The following CHMP2B variants were observed in gnomAD, a reference collection of about 807,000 sequenced individuals.
CHMP2B encodes charged multivesicular body protein 2B, also known as VPS2 homolog B.
In CHMP2B, 22 loss-of-function variants were observed where a neutral mutation model predicts 29.8. That is an observed-to-expected ratio of 0.74 (90% CI 0.53 to 1.05). CHMP2B has a LOEUF of 1.05. Ranked by LOEUF, CHMP2B falls within the 50% of genes least tolerant of loss-of-function variation. The pLI, the probability that CHMP2B is intolerant of heterozygous loss-of-function variation, is 0.00. For missense variants in CHMP2B, 261 were observed against 252.2 expected (o/e 1.03, Z -0.24); for synonymous variants, 78 against 75.8 (o/e 1.03, Z -0.15).
At chr3:87,230,222 T>A (rs765665681) in intron 1 of CHMP2B, among the ~76,000 whole-genome samples, 1 of 152,192 alleles carries the variant, frequency 6.6e-6, no homozygotes, top group Non-Finnish European at 1.5e-5. Context: ...TGAAGTTCTT[T>A]AAACACTATA....
intron 2 of CHMP2B, among the ~76,000 whole-genome samples, chr3:87,244,212 A>G (rs1706172584): frequency 6.6e-6 from 1 of 151,434 alleles, no homozygotes; most frequent in Non-Finnish European, 1.5e-5. Flanking sequence ...ACGCCCAGCT[A>G]ATTTTTGTAT....
At chr3:87,227,690 G>A in intron 1 of CHMP2B, 134 bp downstream of exon 1, 3 of 1,120,792 alleles carry the variant, frequency 2.7e-6, no homozygotes, top group Non-Finnish European at 4.1e-6. Context: ...GACCGCCCTC[G>A]CGGCACCACT....
chr3:87,247,566 A>T (rs1045008520), intron 3 of CHMP2B, among the ~76,000 whole-genome samples: 3 of 152,216 alleles, frequency 2.0e-5, no homozygotes, highest in Non-Finnish European at 4.4e-5. Context: ...GGAAATGTGC[A>T]TGTTGGGTGA....
Position 87,227,439 on chromosome 3 carries a change from A to G in CHMP2B, c.-84A>G. On this transcript the variant is annotated 5_prime_UTR_variant, in exon 1 of 6. Transcript: ENST00000263780. The stretch of plus-strand genomic sequence containing the variant: ...TCCGCTCCGCCACCCCGAACCCGCC[A>G]AGGTCCTGTCCTTTTCCTCCTGTCC... The G allele has an allele frequency of 4.5e-6, 7 of 1,550,796 alleles. No homozygotes were observed. Among genetic ancestry groups the G allele is most frequent in the Non-Finnish European group, 6.2e-6 (7 of 1,122,736 alleles).
At position 87,245,017 on chromosome 3, in the gene CHMP2B, C is replaced by T. The variant is rs145463987; in HGVS notation, c.127-697C>T. 3.3e-3 allele frequency among the ~76,000 whole-genome samples: 507 copies of T among 152,270 alleles called. 3 individuals carry two copies. Among genetic ancestry groups the T allele is most frequent in the African/African-American group, 0.011 (475 of 41,560 alleles). On this transcript the variant is annotated intron_variant, in intron 2 of 5. Transcript: ENST00000263780. Reference sequence around the variant, plus strand: ...GAAGCACTTTTATTAGGTACATACACATTGAAGATTGTCCTGGTATCTTTA... The same window carrying T: ...GAAGCACTTTTATTAGGTACATACATATTGAAGATTGTCCTGGTATCTTTA...
chr3:87,235,523 TGTGGAATATGCA>T (rs1285466189), intron 1 of CHMP2B, among the ~76,000 whole-genome samples: 1 of 152,208 alleles, frequency 6.6e-6, no homozygotes, highest in Non-Finnish European at 1.5e-5. Flanking sequence ...ACTATGAGGC[TGTGGAATATGCA>T]GTAGTTAATT....
chr3:87,248,184 G>T (rs1706250849), intron 3 of CHMP2B, among the ~76,000 whole-genome samples: 1 of 151,778 alleles, frequency 6.6e-6, no homozygotes, highest in African/African-American at 2.4e-5. Context: ...TGTAATCCCA[G>T]CTACTTGGGA....
chr3:87,241,937 A>G (rs1311613218), intron 2 of CHMP2B, among the ~76,000 whole-genome samples: 1 of 152,182 alleles, frequency 6.6e-6, no homozygotes, highest in Non-Finnish European at 1.5e-5. Flanking sequence ...TTAGCAATGT[A>G]TGAAAGTTAC....
chr3:87,240,801 C>A lies in CHMP2B; in HGVS notation c.126+11C>A, dbSNP rs372974735. The A allele has an allele frequency of 6.3e-7, 1 of 1,598,214 alleles. No homozygotes were observed. Among genetic ancestry groups the A allele is most frequent in the Non-Finnish European group, 8.6e-7 (1 of 1,165,842 alleles). On this transcript the variant is annotated intron_variant, in intron 2 of 5. Transcript: ENST00000263780. ...CAAGAAAAACAGCTGGTAAGTAGAA[C>A]GTTAAATTTCAGTTTAACTTTTCAA... is the stretch of plus-strand genomic sequence containing the variant.
At position 87,255,244 on chromosome 3, in the gene CHMP2B, G is replaced by A. The variant is rs572323799; in HGVS notation, c.*1422G>A. ...AACTAAACTGTATAGTTTATATTCC[G>A]TAAACCATTTTATAATGTTCAAAGA... On this transcript the variant is annotated 3_prime_UTR_variant, in exon 6 of 6. Coordinates refer to ENST00000263780, the MANE Select transcript of CHMP2B (RefSeq NM_014043.4). The A allele has an allele frequency of 6.6e-5, 10 of 152,452 alleles. 1 individual carries two copies. In the South Asian group the frequency reaches 1.2e-3, roughly 19 times the overall value. 9.4% of individuals were successfully genotyped at this position (152,452 alleles called of 1,614,324 possible).
At chr3:87,228,028 C>G (rs1452340932) in intron 1 of CHMP2B, among the ~76,000 whole-genome samples, 2 of 152,154 alleles carry the variant, frequency 1.3e-5, no homozygotes, top group African/African-American at 4.8e-5. Flanking sequence ...TCAGTTGCTT[C>G]TTTAAGAACA....
Position 87,254,564 on chromosome 3 carries a change from T to A in CHMP2B, c.*742T>A, listed in dbSNP as rs1706370522. ...TCTCTGTGGGCCTAATTGAAATATG[T>A]ACTCTTATTTTAGACACGCCTCTGT... On this transcript the variant is annotated 3_prime_UTR_variant, in exon 6 of 6. Transcript: ENST00000263780. 1 of 152,144 alleles carries A rather than the reference T, an allele frequency of 6.6e-6. No homozygotes were observed. 9.4% of individuals were successfully genotyped at this position (152,144 alleles called of 1,614,324 possible).
chr3:87,248,191 G>A (rs1706250993), intron 3 of CHMP2B, among the ~76,000 whole-genome samples: 1 of 151,766 alleles, frequency 6.6e-6, no homozygotes, highest in South Asian at 2.1e-4. Context: ...CCAGCTACTT[G>A]GGAGGCTGAG....
intron 2 of CHMP2B, among the ~76,000 whole-genome samples, chr3:87,244,023 G>GTT (rs747217550): frequency 7.8e-6 from 1 of 127,400 alleles, no homozygotes; most frequent in African/African-American, 3.2e-5. Context: ...TTTGTTTTTT[G>GTT]TTTTTTTTTT....
intron 1 of CHMP2B, among the ~76,000 whole-genome samples, chr3:87,234,697 A>T (rs749662660): frequency 5.3e-5 from 8 of 152,200 alleles, no homozygotes; most frequent in Non-Finnish European, 1.0e-4. Flanking sequence ...CACAAGGTAG[A>T]TGAAGTCCTA....
At chr3:87,230,965 C>G (rs890541024) in intron 1 of CHMP2B, among the ~76,000 whole-genome samples, 2 of 152,104 alleles carry the variant, frequency 1.3e-5, no homozygotes, top group African/African-American at 4.8e-5. Context: ...TCAAATTCCT[C>G]TGACCACTCC....
chr3:87,231,022 T>C (rs1032712082), intron 1 of CHMP2B, among the ~76,000 whole-genome samples: 16 of 152,160 alleles, frequency 1.1e-4, no homozygotes, highest in African/African-American at 3.9e-4. Flanking sequence ...TTCTTAAACC[T>C]ACCCATTATA....
chr3:87,237,625 T>C (rs938228965), intron 1 of CHMP2B, among the ~76,000 whole-genome samples: 13 of 152,254 alleles, frequency 8.5e-5, no homozygotes, highest in East Asian at 1.9e-4. Flanking sequence ...TAGATATTTC[T>C]TAAAAACAGT....
intron 4 of CHMP2B, among the ~76,000 whole-genome samples, chr3:87,251,972 A>G (rs753046721): frequency 9.9e-5 from 15 of 151,936 alleles, no homozygotes; most frequent in Non-Finnish European, 1.9e-4. Context: ...ATTTTTTTCC[A>G]GAGGCTTACC....
Sources: gnomAD v4.1 joint callset for allele counts (sites outside exome capture counted in the v4.1 genomes callset) on GRCh38, gnomAD v4.1.1 for gene constraint, MANE v1.5 for transcripts, NCBI Gene and HGNC (gene_info 2026-07-23, HGNC 2026-07-21) for gene names.